The following RETREG3 variants were observed in gnomAD, a reference collection of about 807,000 sequenced individuals.
RETREG3 encodes the protein reticulophagy regulator 3.
RETREG3 carries 23 observed loss-of-function variants against 50.2 expected under a neutral mutation model. The ratio of observed to expected loss-of-function variants is 0.46; its 90% CI spans 0.33 to 0.65. The LOEUF (loss-of-function observed/expected upper bound fraction) is 0.65. Among genes scored for constraint, RETREG3 ranks in the 30% least tolerant of loss-of-function variants. The pLI is 0.02. For missense variants in RETREG3, 546 were observed against 598.0 expected, an observed-to-expected ratio of 0.91 and a Z score of 0.91; for synonymous variants, 240 against 234.4, an observed-to-expected ratio of 1.02 and a Z score of -0.22.
chr17:42,591,132 C>T (rs748246262), intron 2 of RETREG3, among the ~76,000 whole-genome samples: 1 of 152,214 alleles, frequency 6.6e-6, no homozygotes, highest in Non-Finnish European at 1.5e-5. Context: ...AATCAAGCCA[C>T]TGGACTCTCT....
chr17:42,604,167 TG>T (rs368326658), intron 1 of RETREG3, among the ~76,000 whole-genome samples: 1,784 of 152,038 alleles, frequency 0.012, 20 homozygotes, highest in African/African-American at 0.041. Context: ...TTTATTTTTT[TG>T]GGGGGGCGGA....
At chr17:42,597,604 TATATATATATA>T (rs1459817573) in intron 1 of RETREG3, among the ~76,000 whole-genome samples, 4 of 10,134 alleles carry the variant, frequency 3.9e-4, no homozygotes, top group African/African-American at 9.9e-4. Flanking sequence ...TATATATATA[TATATATATATA>T]TATATTTTTT....
chr17:42,585,731 A>G (rs2093120015), intron 5 of RETREG3, among the ~76,000 whole-genome samples: 2 of 152,184 alleles, frequency 1.3e-5, no homozygotes, highest in South Asian at 4.1e-4. Context: ...GAAACCCCTA[A>G]GAGTTATGTT....
intron 2 of RETREG3, among the ~76,000 whole-genome samples, chr17:42,590,144 C>T (rs1567922529): frequency 6.6e-6 from 1 of 152,172 alleles, no homozygotes; most frequent in Non-Finnish European, 1.5e-5. Context: ...GTGGAGGTTG[C>T]AGCGAGCCAA....
At chr17:42,584,704 G>C (rs2093117386) in intron 6 of RETREG3, among the ~76,000 whole-genome samples, 1 of 151,402 alleles carries the variant, frequency 6.6e-6, no homozygotes, top group East Asian at 1.9e-4. Flanking sequence ...GCTACTGAAG[G>C]GTTTGGCGGG....
intron 1 of RETREG3, chr17:42,598,628 C>T (rs2093152666): frequency 4.6e-5 from 7 of 152,206 alleles, no homozygotes; most frequent in Admixed American, 4.6e-4. Context: ...TCTCTTACCA[C>T]ACCTTTCGGC....
chr17:42,587,904 A>C (rs2093124368), intron 2 of RETREG3, 40 bp from the exon 3 acceptor site: 2 of 1,611,828 alleles, frequency 1.2e-6, no homozygotes, highest in Non-Finnish European at 1.7e-6. Context: ...GTTGGTAGGG[A>C]AAACTAAACA....
chr17:42,591,995 G>C (rs943490390), intron 2 of RETREG3, 61 bp downstream of exon 2: 14 of 1,403,658 alleles, frequency 1.0e-5, no homozygotes, highest in South Asian at 4.9e-5. Context: ...TAATACTAAA[G>C]GTACAAATTA....
intron 2 of RETREG3, among the ~76,000 whole-genome samples, chr17:42,590,671 G>GA (rs34820789): frequency 0.24 from 35,621 of 151,262 alleles, 4,489 homozygotes; most frequent in Non-Finnish European, 0.28. Context: ...GACTCTGTCT[G>GA]AAAAAAAAGA....
intron 1 of RETREG3, among the ~76,000 whole-genome samples, chr17:42,600,370 A>G (rs1051714571): frequency 2.6e-5 from 4 of 152,168 alleles, no homozygotes; most frequent in Non-Finnish European, 5.9e-5. Context: ...AGACAGAGCA[A>G]GACCCTGTCT....
rs372724510 is a variant in RETREG3 at position 42,586,855 on chromosome 17, G to A, written c.414C>T (p.Pro138=). 21 of 1,613,934 alleles carry A rather than the reference G, an allele frequency of 1.3e-5. No homozygotes were observed. The highest frequency in any genetic ancestry group is 5.5e-5 in the South Asian group (5 of 91,068). The change falls in exon 4 of 9, where the codon CCC becomes CCT. Residue 138 remains proline, a synonymous_variant. Transcript: ENST00000309428. ...GFVHPRLLSV[P]ELCHHVAEVW... The stretch of plus-strand genomic sequence containing the variant: ...CTTCAGCTACATGGTGGCAGAGCTC[G>A]GGCACGCTGAGCAACCGAGGGTGCA...
chr17:42,581,872 CAA>C lies in RETREG3; in HGVS notation c.1340_1341del (p.Phe447Ter). The C allele has an allele frequency of 3.1e-6, 5 of 1,612,954 alleles. No individual in the cohort carries two copies. The highest frequency in any genetic ancestry group is 4.2e-6 in the Non-Finnish European group (5 of 1,179,176). ...DLDTDAEGDDFELLDQSELSQ... is the reference protein window; with the variant it reads ...DLDTDAEGDDXELLDQSELSQ... ...CTCAGCTCCGACTGGTCCAGAAGTTCAAAGTCATCCCCCTCAGCATCAGTGTC... is the reference window on the plus strand; with the variant it reads ...CTCAGCTCCGACTGGTCCAGAAGTTCAGTCATCCCCCTCAGCATCAGTGTC... On this transcript the variant is annotated frameshift_variant, in exon 9 of 9. Coordinates refer to ENST00000309428, the MANE Select transcript of RETREG3 (RefSeq NM_178126.4). LOFTEE classifies it high-confidence loss of function.
chr17:42,581,804 G>T lies in RETREG3; in HGVS notation c.*9C>A. The T allele has an allele frequency of 6.4e-7, 1 of 1,554,972 alleles. No individual in the cohort carries two copies. Among genetic ancestry groups the T allele is most frequent in the Non-Finnish European group, 8.7e-7 (1 of 1,150,994 alleles). On this transcript the variant is annotated 3_prime_UTR_variant, in exon 9 of 9. Transcript: ENST00000309428. Reference sequence around the variant, plus strand: ...TAAACCACAGTGACTCCCAAAAGGAGTCTCTGCCTCAGTGGCTCCTAGAAC... The same window carrying T: ...TAAACCACAGTGACTCCCAAAAGGATTCTCTGCCTCAGTGGCTCCTAGAAC...
chr17:42,606,618 T>TA (rs546390773), intron 1 of RETREG3, among the ~76,000 whole-genome samples: 31 of 136,724 alleles, frequency 2.3e-4, no homozygotes, highest in South Asian at 4.7e-4. Context: ...AAAAATTAAT[T>TA]AAAAAAAAAA....
At chr17:42,607,499 C>CAAAAAAAAA (rs34542887) in intron 1 of RETREG3, among the ~76,000 whole-genome samples, 1 of 46,938 alleles carries the variant, frequency 2.1e-5, no homozygotes, top group Non-Finnish European at 3.5e-5. Flanking sequence ...GACCTTGTCT[C>CAAAAAAAAA]AAAAAAAAAA....
chr17:42,595,695 C>T (rs1373142725), intron 1 of RETREG3, among the ~76,000 whole-genome samples: 2 of 124,180 alleles, frequency 1.6e-5, no homozygotes, highest in Admixed American at 8.7e-5. Flanking sequence ...GAGACGGAGT[C>T]TCTCTCTTGG....
intron 2 of RETREG3, among the ~76,000 whole-genome samples, chr17:42,590,671 G>T (rs2093131283): frequency 6.6e-6 from 1 of 151,220 alleles, no homozygotes; most frequent in African/African-American, 2.4e-5. Flanking sequence ...GACTCTGTCT[G>T]AAAAAAAAGA....
intron 1 of RETREG3, among the ~76,000 whole-genome samples, chr17:42,597,877 G>A (rs988427303): frequency 1.3e-5 from 2 of 149,486 alleles, no homozygotes; most frequent in African/African-American, 2.5e-5. Context: ...TGATCAGCTC[G>A]CCTCAGCCTC....
At position 42,592,120 on chromosome 17, in the gene RETREG3, T is replaced by G; in HGVS notation, c.282A>C (p.Ala94=). ...TACACACAATGATCATCAAGCCAAATGCAAGTAAAAACACAAGACGAAGAG... is the reference window on the plus strand; with the variant it reads ...TACACACAATGATCATCAAGCCAAAGGCAAGTAAAAACACAAGACGAAGAG... ...LTSLRLVFLL[A]FGLMIIVCID... Residue 94 remains alanine, a synonymous_variant, in exon 2 of 9, where the codon GCA becomes GCC. Coordinates refer to ENST00000309428, the MANE Select transcript of RETREG3 (RefSeq NM_178126.4). The G allele has an allele frequency of 6.2e-7, 1 of 1,613,942 alleles. No individual in the cohort carries two copies. Among genetic ancestry groups the G allele is most frequent in the Admixed American group, 1.7e-5 (1 of 59,998 alleles).
Sources: gnomAD v4.1 joint callset for allele counts (sites outside exome capture counted in the v4.1 genomes callset) on GRCh38, gnomAD v4.1.1 for gene constraint, MANE v1.5 for transcripts, NCBI Gene and HGNC (gene_info 2026-07-23, HGNC 2026-07-21) for gene names.